Variants in INSC observed in about 807,000 individuals in gnomAD.
The protein encoded by INSC is protein inscuteable homolog.
Under a neutral mutation model 58.6 loss-of-function variants are expected in INSC, and 67 were observed. The ratio of observed to expected loss-of-function variants is 1.14; its 90% CI spans 0.94 to 1.40. The LOEUF is 1.40. Ranked by LOEUF, INSC falls within the 40% of genes most tolerant of loss-of-function variation. The pLI, the probability that INSC is intolerant of heterozygous loss-of-function variation, is 0.00. For missense variants in INSC, 714 were observed against 692.0 expected (o/e 1.03, Z -0.36); for synonymous variants, 262 against 276.1 (o/e 0.95, Z 0.51).
chr11:15,255,999 A>C, the INSC span, among the ~76,000 whole-genome samples: 1 of 152,212 alleles, frequency 6.6e-6, no homozygotes, highest in East Asian at 1.9e-4. Context: ...ATTCAGTCCC[A>C]CTGCAGACAT....
intron 9 of INSC, among the ~76,000 whole-genome samples, chr11:15,228,520 C>A (rs995578599): frequency 6.6e-6 from 1 of 152,154 alleles, no homozygotes; most frequent in African/African-American, 2.4e-5. Flanking sequence ...GAAAGTGCAC[C>A]CATTAAAGAA....
intron 4 of INSC, among the ~76,000 whole-genome samples, chr11:15,177,963 C>A (rs1849630426): frequency 6.6e-6 from 1 of 152,226 alleles, no homozygotes; most frequent in Non-Finnish European, 1.5e-5. Flanking sequence ...TGGCACTTGG[C>A]ACCTCTCTTT....
intron 9 of INSC, among the ~76,000 whole-genome samples, chr11:15,228,906 C>A (rs527543676): frequency 5.3e-5 from 8 of 152,294 alleles, no homozygotes; most frequent in Non-Finnish European, 8.8e-5. Context: ...TTCAGCTAAT[C>A]CACAGGAAGG....
At chr11:15,216,724 T>G (rs1356261045) in intron 7 of INSC, among the ~76,000 whole-genome samples, 1 of 152,182 alleles carries the variant, frequency 6.6e-6, no homozygotes, top group Non-Finnish European at 1.5e-5. Flanking sequence ...TGGGCCCCAG[T>G]GCAAAGAGCT....
intron 7 of INSC, among the ~76,000 whole-genome samples, chr11:15,202,042 T>A (rs770942289): frequency 3.3e-5 from 5 of 152,228 alleles, no homozygotes; most frequent in Non-Finnish European, 5.9e-5. Flanking sequence ...AACTTACAGA[T>A]GCTCTTAGCT....
At chr11:15,128,452 A>T (rs895903115) in intron 1 of INSC, among the ~76,000 whole-genome samples, 1 of 152,222 alleles carries the variant, frequency 6.6e-6, no homozygotes, top group African/African-American at 2.4e-5. Context: ...AATGTATATT[A>T]TTATCCCCAG....
At chr11:15,243,574 G>C (rs1269342978) in intron 12 of INSC, among the ~76,000 whole-genome samples, 1 of 152,102 alleles carries the variant, frequency 6.6e-6, no homozygotes, top group African/African-American at 2.4e-5. Context: ...CACTGAGGAG[G>C]GGGTGCTCTG....
In INSC at chr11:15,158,860, G is replaced by GTTTTTTT. The variant is rs529518368; in HGVS notation, c.56+9645_56+9651dup. ...ATTATAACCAGATGAATTGTTGGTG[G>GTTTTTTT]TTTTTTTTTTTTTTTTTTTTTGCCT... On this transcript the variant is annotated intron_variant, in intron 2 of 12. Coordinates refer to ENST00000379556, the MANE Select transcript of INSC (RefSeq NM_001042536.3). Among the ~76,000 whole-genome samples the GTTTTTTT allele has an allele frequency of 7.4e-3, 808 of 109,572 alleles. 59 individuals carry two copies. Among genetic ancestry groups the GTTTTTTT allele is most frequent in the African/African-American group, 0.021 (605 of 28,206 alleles). 71.9% of individuals were successfully genotyped at this position (109,572 alleles called of 152,430 possible).
At chr11:15,267,673 A>G in the INSC span, among the ~76,000 whole-genome samples, 3 of 151,904 alleles carry the variant, frequency 2.0e-5, no homozygotes, top group African/African-American at 7.2e-5. Context: ...GATATAGTGT[A>G]TATTTGTAGT....
At chr11:15,114,000 G>A (rs1418531584), upstream of INSC, among the ~76,000 whole-genome samples, 1 of 152,026 alleles carries the variant, frequency 6.6e-6, no homozygotes, top group Non-Finnish European at 1.5e-5. Context: ...CTTTCTGTCA[G>A]TAAGAGAGTT....
intron 7 of INSC, among the ~76,000 whole-genome samples, chr11:15,220,765 G>A (rs143498232): frequency 2.0e-5 from 3 of 152,322 alleles, no homozygotes; most frequent in East Asian, 1.9e-4. Context: ...TATGCCAAGA[G>A]CAGATCTGAC....
At chr11:15,172,914 C>T (rs574087337) in intron 2 of INSC, among the ~76,000 whole-genome samples, 9 of 152,032 alleles carry the variant, frequency 5.9e-5, no homozygotes, top group East Asian at 1.9e-4. Flanking sequence ...GTATGGGGGG[C>T]GCAACTGAAG....
chr11:15,246,166 A>G lies in INSC; in HGVS notation c.*126A>G. ...TTTATACTTAACTTATTTTTGTGTG[A>G]AATAAATGGAGGACAAAATCTTAGA... On this transcript the variant is annotated 3_prime_UTR_variant, in exon 13 of 13. Transcript: ENST00000379556. The G allele has an allele frequency of 9.7e-7, 1 of 1,027,724 alleles. No homozygotes were observed. The highest frequency in any genetic ancestry group is 1.4e-6 in the Non-Finnish European group (1 of 724,286). 63.7% of individuals were successfully genotyped at this position (1,027,724 alleles called of 1,614,324 possible).
intron 5 of INSC, among the ~76,000 whole-genome samples, chr11:15,182,983 A>G (rs1849831569): frequency 6.6e-6 from 1 of 152,204 alleles, no homozygotes; most frequent in African/African-American, 2.4e-5. Flanking sequence ...TTCATGAACC[A>G]TTAAGACCCT....
At chr11:15,169,962 G>C (rs945714543) in intron 2 of INSC, among the ~76,000 whole-genome samples, 1 of 152,140 alleles carries the variant, frequency 6.6e-6, no homozygotes, top group Non-Finnish European at 1.5e-5. Context: ...TGAGAGATTG[G>C]TTCCAGGACT....
chr11:15,177,185 C>T (rs1206332984), intron 4 of INSC, 22 bp downstream of exon 4: 3 of 1,610,156 alleles, frequency 1.9e-6, no homozygotes, highest in Non-Finnish European at 2.5e-6. Context: ...CCATAGATCT[C>T]CCAGGGTCTG....
chr11:15,178,123 C>T (rs1459480661), intron 4 of INSC, among the ~76,000 whole-genome samples: 1 of 152,094 alleles, frequency 6.6e-6, no homozygotes, highest in Non-Finnish European at 1.5e-5. Context: ...GACTGGTAGT[C>T]CTCATCTCAG....
intron 6 of INSC, among the ~76,000 whole-genome samples, chr11:15,198,561 T>C (rs1243549029): frequency 6.6e-6 from 1 of 152,184 alleles, no homozygotes; most frequent in African/African-American, 2.4e-5. Flanking sequence ...TGTAAATGTC[T>C]CTCAATCAGT....
intron 1 of INSC, among the ~76,000 whole-genome samples, chr11:15,125,168 G>A (rs1847963468): frequency 6.6e-6 from 1 of 152,186 alleles, no homozygotes; most frequent in African/African-American, 2.4e-5. Flanking sequence ...AGGCCAGGAG[G>A]AAGCTATGTG....
Sources: allele counts gnomAD v4.1 joint callset (sites outside exome capture counted in the v4.1 genomes callset), GRCh38; gene constraint gnomAD v4.1.1; transcripts MANE v1.5; gene names NCBI Gene and HGNC (gene_info 2026-07-23, HGNC 2026-07-21).